Variants in RAI14 observed in about 807,000 individuals in gnomAD.
RAI14 encodes retinoic acid induced 14, also known as ankycorbin.
In RAI14, 45 loss-of-function variants were observed where a neutral mutation model predicts 115.4. The observed-to-expected ratio is 0.39, with a 90% CI of 0.31 to 0.50. The LOEUF (loss-of-function observed/expected upper bound fraction) is 0.50, where lower values mean the gene tolerates loss of function less well. RAI14 is among the 20% of genes least tolerant of loss of function. The pLI is 0.85. For synonymous variants in RAI14, 371 were observed against 415.4 expected, an observed-to-expected ratio of 0.89 and a Z score of 1.30; for missense variants, 939 against 1,131.2, an observed-to-expected ratio of 0.83 and a Z score of 2.44.
intron 4 of RAI14, among the ~76,000 whole-genome samples, chr5:34,800,134 T>C (rs2150223532): frequency 6.6e-6 from 1 of 152,302 alleles, no homozygotes; most frequent in East Asian, 1.9e-4. Flanking sequence ...GTCATGTCAT[T>C]TTAGATTGAT....
At chr5:34,687,411 T>G in intron 2 of RAI14, 1 of 445,766 alleles carries the variant, frequency 2.2e-6, no homozygotes. Context: ...TGTGGTAAAA[T>G]GGTATCTACT....
chr5:34,665,168 T>TACACATAC (rs1367809026), intron 1 of RAI14, among the ~76,000 whole-genome samples: 1 of 31,006 alleles, frequency 3.2e-5, no homozygotes, highest in African/African-American at 1.1e-4. Flanking sequence ...TGTATATATA[T>TACACATAC]ATATACACAC....
At chr5:34,822,448 GA>G (rs1164107566) in intron 14 of RAI14, among the ~76,000 whole-genome samples, 3 of 150,898 alleles carry the variant, frequency 2.0e-5, no homozygotes, top group Non-Finnish European at 3.0e-5. Flanking sequence ...GCTTTGTAGA[GA>G]AAACAATTTT....
At chr5:34,817,156 A>G (rs964707864) in intron 12 of RAI14, among the ~76,000 whole-genome samples, 2 of 151,206 alleles carry the variant, frequency 1.3e-5, no homozygotes, top group Non-Finnish European at 2.9e-5. Flanking sequence ...GGGCACCTGT[A>G]GTCCCAGCTA....
In RAI14 at chr5:34,818,778, C is replaced by G. The variant is rs746418682; in HGVS notation, c.940-19C>G. On this transcript the variant is annotated intron_variant, in intron 12 of 17. Coordinates refer to ENST00000265109, the MANE Select transcript of RAI14 (RefSeq NM_015577.3). ...TTACATTTAGAAATGTTCTTTAAGT[C>G]ATTTTTGTGTTTCAATAGGCTGAGA... 6.3e-7 allele frequency: 1 copy of G among 1,595,908 alleles called. No individual in the cohort carries two copies. The highest frequency in any genetic ancestry group is 2.2e-5 in the East Asian group (1 of 44,664).
chr5:34,763,278 G>A (rs936284594), intron 3 of RAI14, among the ~76,000 whole-genome samples: 2 of 152,138 alleles, frequency 1.3e-5, no homozygotes, highest in African/African-American at 4.8e-5. Flanking sequence ...CTCACGTACA[G>A]CTGCCAAATT....
intron 3 of RAI14, among the ~76,000 whole-genome samples, chr5:34,783,395 C>T (rs1020592162): frequency 6.6e-6 from 1 of 152,192 alleles, no homozygotes; most frequent in African/African-American, 2.4e-5. Flanking sequence ...GCATCTGGCT[C>T]ATGATAAGGT....
chr5:34,695,619 A>G (rs1356725365), intron 2 of RAI14, among the ~76,000 whole-genome samples: 1 of 152,264 alleles, frequency 6.6e-6, no homozygotes, highest in Non-Finnish European at 1.5e-5. Flanking sequence ...TTTTATAATT[A>G]CACACTGACA....
chr5:34,689,889 A>G (rs1738356673), intron 2 of RAI14, among the ~76,000 whole-genome samples: 1 of 152,160 alleles, frequency 6.6e-6, no homozygotes, highest in Admixed American at 6.5e-5. Flanking sequence ...AAAACAAAAC[A>G]AAAAAACAAA....
intron 2 of RAI14, among the ~76,000 whole-genome samples, chr5:34,697,577 A>G (rs1398194410): frequency 6.6e-6 from 1 of 152,188 alleles, no homozygotes; most frequent in African/African-American, 2.4e-5. Context: ...TGTGGGATGA[A>G]CAAGGGTTTG....
chr5:34,749,436 G>T (rs997099217), intron 2 of RAI14, among the ~76,000 whole-genome samples: 4 of 152,192 alleles, frequency 2.6e-5, no homozygotes, highest in Non-Finnish European at 5.9e-5. Context: ...AGTTCCACTG[G>T]TTTTTCAGGT....
At chr5:34,772,289 G>A (rs1750262059) in intron 3 of RAI14, among the ~76,000 whole-genome samples, 1 of 152,166 alleles carries the variant, frequency 6.6e-6, no homozygotes, top group Non-Finnish European at 1.5e-5. Flanking sequence ...CAGAATGCCT[G>A]GGTTAGAATC....
At chr5:34,666,594 C>T (rs917676262) in intron 1 of RAI14, among the ~76,000 whole-genome samples, 2 of 152,282 alleles carry the variant, frequency 1.3e-5, no homozygotes, top group South Asian at 4.1e-4. Flanking sequence ...ACTGCCACGT[C>T]AGCTGTACTC....
chr5:34,697,455 A>G (rs1376756985), intron 2 of RAI14, among the ~76,000 whole-genome samples: 2 of 152,032 alleles, frequency 1.3e-5, no homozygotes, highest in South Asian at 2.1e-4. Context: ...AAAAGAAAAA[A>G]AAAAAAAGAA....
intron 3 of RAI14, among the ~76,000 whole-genome samples, chr5:34,770,709 G>C (rs2150130288): frequency 6.6e-6 from 1 of 152,320 alleles, no homozygotes; most frequent in East Asian, 1.9e-4. Context: ...AAACAGCAGA[G>C]AGCCCAGTGA....
At chr5:34,746,095 C>CCG (rs1746166482) in intron 2 of RAI14, among the ~76,000 whole-genome samples, 1 of 133,666 alleles carries the variant, frequency 7.5e-6, no homozygotes, top group Non-Finnish European at 1.6e-5. Context: ...ACCCCCTCCC[C>CCG]CCCCCGCCTT....
chr5:34,694,606 A>G (rs956984090), intron 2 of RAI14, among the ~76,000 whole-genome samples: 1 of 152,202 alleles, frequency 6.6e-6, no homozygotes, highest in Non-Finnish European at 1.5e-5. Context: ...ACTGCCTGAA[A>G]GGATTTCATT....
At chr5:34,780,979 A>G (rs1751541451) in intron 3 of RAI14, among the ~76,000 whole-genome samples, 1 of 152,202 alleles carries the variant, frequency 6.6e-6, no homozygotes, top group South Asian at 2.1e-4. Flanking sequence ...CCAAATGTCC[A>G]TAAATGATAG....
chr5:34,666,898 C>G (rs1422262630), intron 1 of RAI14, among the ~76,000 whole-genome samples: 3 of 152,152 alleles, frequency 2.0e-5, no homozygotes, highest in African/African-American at 7.2e-5. Flanking sequence ...AATGACAAGC[C>G]CTGCCCTCGG....
Sources: gnomAD v4.1 joint callset for allele counts (sites outside exome capture counted in the v4.1 genomes callset) on GRCh38, gnomAD v4.1.1 for gene constraint, MANE v1.5 for transcripts, NCBI Gene and HGNC (gene_info 2026-07-23, HGNC 2026-07-21) for gene names.